The following KHK variants were observed in gnomAD, a reference collection of about 807,000 sequenced individuals.
KHK encodes the protein ketohexokinase, also known as fructokinase.
Under a neutral mutation model 36.0 loss-of-function variants are expected in KHK, and 37 were observed. The observed-to-expected ratio is 1.03, with a 90% CI of 0.79 to 1.35. KHK has a LOEUF of 1.35. Ranked by LOEUF, KHK falls within the 40% of genes most tolerant of loss-of-function variation. KHK has a pLI of 0.00. For synonymous variants in KHK, 161 were observed against 162.8 expected (o/e 0.99, Z 0.08); for missense variants, 395 against 391.9 (o/e 1.01, Z -0.07).
chr2:27,095,960 C>T (rs1340543586), intron 3 of KHK, among the ~76,000 whole-genome samples: 1 of 152,234 alleles, frequency 6.6e-6, no homozygotes, highest in Admixed American at 6.5e-5. Flanking sequence ...TGCCCACTGG[C>T]CTCAGTCCAG....
intron 5 of KHK, 35 bp downstream of exon 5, chr2:27,097,684 C>T: frequency 6.2e-7 from 1 of 1,613,764 alleles, no homozygotes; most frequent in Non-Finnish European, 8.5e-7. Flanking sequence ...TTGCCACTTC[C>T]AGCTAATTTG....
intron 2 of KHK, chr2:27,094,164 C>G: frequency 2.3e-6 from 1 of 442,770 alleles, no homozygotes; most frequent in Non-Finnish European, 4.2e-6. Flanking sequence ...AGGGTCCTGT[C>G]TAGCTTTATG....
intron 5 of KHK, 63 bp downstream of exon 5, chr2:27,097,712 G>C: frequency 6.2e-7 from 1 of 1,605,666 alleles, no homozygotes; most frequent in African/African-American, 1.3e-5. Context: ...AAGGGAGCCA[G>C]AATCCTTTTA....
Position 27,095,008 on chromosome 2 carries a change from T to G in KHK, c.344+74T>G, listed in dbSNP as rs1020429959. 4.6e-5 allele frequency: 72 copies of G among 1,561,320 alleles called. No homozygotes were observed. In the African/African-American group the frequency reaches 8.8e-4, roughly 19 times the overall value. Reference sequence around the variant, plus strand: ...CAATCAGTTCCCTCACTCGCCACCATGGGCATCCCAACTGCCCCCCTCTGT... The same window carrying G: ...CAATCAGTTCCCTCACTCGCCACCAGGGGCATCCCAACTGCCCCCCTCTGT... On this transcript the variant is annotated intron_variant, in intron 3 of 7. Coordinates refer to ENST00000260598, the MANE Select transcript of KHK (RefSeq NM_006488.3).
At chr2:27,096,078 C>G (rs902391713) in intron 3 of KHK, among the ~76,000 whole-genome samples, 2 of 152,206 alleles carry the variant, frequency 1.3e-5, no homozygotes, top group Non-Finnish European at 2.9e-5. Flanking sequence ...GGGCAGATCA[C>G]ACAGCTATAG....
chr2:27,099,283 G>C lies in KHK; in HGVS notation c.652G>C (p.Gly218Arg). The C allele has an allele frequency of 3.1e-6, 5 of 1,614,158 alleles. No individual in the cohort carries two copies. The highest frequency in any genetic ancestry group is 4.2e-6 in the Non-Finnish European group (5 of 1,180,022). Reference sequence around the variant, plus strand: ...GGGCTTGTATGGTCGTGTGAGGAAAGGGTGAGCCGGGGAAGCCAGGAAGGG... The same window carrying C: ...GGGCTTGTATGGTCGTGTGAGGAAACGGTGAGCCGGGGAAGCCAGGAAGGG... ...LRGLYGRVRK[G>R]AVLVCAWAEE... Residue 218 changes from glycine (G) to arginine (R), a missense_variant and splice_region_variant, in exon 6 of 8, where the codon GGG becomes CGG. Physicochemically the swap from Gly to Arg is moderately radical, Grantham distance 125. Transcript: ENST00000260598.
rs1670674686 is a variant in KHK at position 27,099,700 on chromosome 2, C to T, written c.847C>T (p.Gln283Ter). The change falls in exon 8 of 8, where the codon CAG (glutamine) becomes TAG (stop). Residue 283 changes from glutamine (Q) to a stop codon, truncating the protein, a stop_gained. Transcript: ENST00000260598. LOFTEE classifies it high-confidence loss of function. Reference protein sequence around the residue: ...SVQEALRFGCQVAGKKCGLQG... With the variant: ...SVQEALRFGC ...GCAGGAAGCACTGAGATTCGGGTGC[C>T]AGGTGGCCGGCAAGAAGTGTGGCCT... 6.2e-7 allele frequency: 1 copy of T among 1,614,136 alleles called. No individual in the cohort carries two copies. The highest frequency in any genetic ancestry group is 2.2e-5 in the East Asian group (1 of 44,870).
At position 27,097,540 on chromosome 2, in the gene KHK, G is replaced by A. The variant is rs377146926; in HGVS notation, c.455G>A (p.Arg152Gln). 63 of 1,613,806 alleles carry A rather than the reference G, an allele frequency of 3.9e-5. No individual in the cohort carries two copies. Among genetic ancestry groups the A allele is most frequent in the Non-Finnish European group, 4.9e-5 (58 of 1,180,048 alleles). Residue 152 changes from arginine (R) to glutamine (Q), a missense_variant, in exon 5 of 8, where the codon CGG becomes CAG. Coordinates refer to ENST00000260598, the MANE Select transcript of KHK (RefSeq NM_006488.3). The stretch of plus-strand genomic sequence containing the variant: ...TCGGAGCAGGTGAAGATGCTGCAGC[G>A]GATAGACGCACACAACACCAGGCAG... ...NASEQVKMLQ[R>Q]IDAHNTRQPP...
intron 5 of KHK, 67 bp downstream of exon 5, chr2:27,097,716 C>A (rs1458580014): frequency 2.5e-6 from 4 of 1,596,470 alleles, no homozygotes; most frequent in Non-Finnish European, 3.4e-6. Flanking sequence ...GAGCCAGAAT[C>A]CTTTTATCCT....
rs1397964282 is a variant in KHK at position 27,100,552 on chromosome 2, T to TAAAG, written c.*804_*807dup. The TAAAG allele has an allele frequency of 2.3e-6, 3 of 1,289,892 alleles. No homozygotes were observed. The African/African-American group carries it at 4.6e-5, about 20-fold the overall frequency. The allele number at this position is 1,289,892 out of a possible 1,614,324, so 79.9% of individuals were successfully genotyped here. On this transcript the variant is annotated 3_prime_UTR_variant, in exon 8 of 8. Coordinates refer to ENST00000260598, the MANE Select transcript of KHK (RefSeq NM_006488.3). ...ATAGGGTGGGTAAGGCCTTATAATG[T>TAAAG]AAAGAGCATATAATGTAAAGGGCTT...
intron 2 of KHK, among the ~76,000 whole-genome samples, chr2:27,093,919 C>T (rs1670160955): frequency 6.6e-6 from 1 of 152,194 alleles, no homozygotes; most frequent in Non-Finnish European, 1.5e-5. Context: ...AGTGAGCTGG[C>T]TCACCAAGGC....
intron 1 of KHK, among the ~76,000 whole-genome samples, chr2:27,091,086 T>C (rs1287012072): frequency 5.4e-5 from 2 of 36,936 alleles, no homozygotes. Context: ...CCTTTGTCAT[T>C]GTTGTTATTG....
At position 27,100,308 on chromosome 2, in the gene KHK, T is replaced by G. The variant is rs1042224114; in HGVS notation, c.*558T>G. 1.4e-5 allele frequency: 9 copies of G among 632,076 alleles called. No homozygotes were observed. The highest frequency in any genetic ancestry group is 3.8e-5 in the African/African-American group (2 of 53,068). The allele number at this position is 632,076 out of a possible 1,614,324, so 39.2% of individuals were successfully genotyped here. On this transcript the variant is annotated 3_prime_UTR_variant, in exon 8 of 8. Coordinates refer to ENST00000260598, the MANE Select transcript of KHK (RefSeq NM_006488.3). ...GGCCAGTGGGGGGCAGGGGTGCGCC[T>G]CCTCTGCCCTGCCCACCAGCCTGTG...
intron 1 of KHK, among the ~76,000 whole-genome samples, 169 bp downstream of exon 1, chr2:27,087,520 AGAGAG>A (rs938872921): frequency 6.6e-6 from 1 of 152,268 alleles, no homozygotes; most frequent in Admixed American, 6.5e-5. Context: ...GCATGACAGA[AGAGAG>A]GAAGGAATTG....
At chr2:27,097,482 A>G in intron 4 of KHK, 21 bp from the exon 5 acceptor site, 1 of 1,612,778 alleles carries the variant, frequency 6.2e-7, no homozygotes, top group East Asian at 2.2e-5. Flanking sequence ...AGCGGTCCTG[A>G]GCTGCCCTGT....
At chr2:27,098,099 T>G (rs187159095) in intron 5 of KHK, among the ~76,000 whole-genome samples, 1 of 152,244 alleles carries the variant, frequency 6.6e-6, no homozygotes, top group African/African-American at 2.4e-5. Context: ...TGAGTCTCTT[T>G]TTGAAAAGGC....
At position 27,094,953 on chromosome 2, in the gene KHK, G is replaced by A; in HGVS notation, c.344+19G>A. ...ATGACACGTAAGGCCCCCGGGCCTC[G>A]CCCTGCTACAACCCACCAATCAGTT... On this transcript the variant is annotated intron_variant, in intron 3 of 7. Transcript: ENST00000260598. 4.3e-6 allele frequency: 7 copies of A among 1,613,370 alleles called. No homozygotes were observed. Among genetic ancestry groups the A allele is most frequent in the East Asian group, 4.5e-5 (2 of 44,890 alleles).
rs1558454135 is a variant in KHK, at chr2:27,099,770, A to AGC, written c.*20_*21insGC. 7.1e-6 allele frequency: 11 copies of AGC among 1,552,142 alleles called. No individual in the cohort carries two copies. The East Asian group carries it at 2.2e-4, about 31-fold the overall frequency. ...GTGTGAGAGCAGGTGCCGGCTCCTCACACACCATGGAGACTACCATTGCGG... is the reference window on the plus strand; with the variant it reads ...GTGTGAGAGCAGGTGCCGGCTCCTCAGCCACACCATGGAGACTACCATTGCGG... On this transcript the variant is annotated 3_prime_UTR_variant, in exon 8 of 8. Transcript: ENST00000260598.
Position 27,100,142 on chromosome 2 carries a change from C to A in KHK, c.*392C>A. 1 of 525,442 alleles carries A rather than the reference C, an allele frequency of 1.9e-6. No individual in the cohort carries two copies. The highest frequency in any genetic ancestry group is 3.4e-6 in the Non-Finnish European group (1 of 290,838). 32.5% of individuals were successfully genotyped at this position (525,442 alleles called of 1,614,324 possible). The stretch of plus-strand genomic sequence containing the variant: ...CCCTGGGCTTGCCACCAGCTCTGCC[C>A]TGGCTGGGGAGGACACTCGGTGCCC... On this transcript the variant is annotated 3_prime_UTR_variant, in exon 8 of 8. Transcript: ENST00000260598.
Sources: gnomAD v4.1 joint callset for allele counts (sites outside exome capture counted in the v4.1 genomes callset) on GRCh38, gnomAD v4.1.1 for gene constraint, MANE v1.5 for transcripts, NCBI Gene and HGNC (gene_info 2026-07-23, HGNC 2026-07-21) for gene names.